SGMS1: variants seen among roughly 807,000 people sequenced by gnomAD.
SGMS1 encodes the protein phosphatidylcholine:ceramide cholinephosphotransferase 1.
Under a neutral mutation model 46.2 loss-of-function variants are expected in SGMS1, and 13 were observed. The observed-to-expected ratio is 0.28, with a 90% CI of 0.18 to 0.45. SGMS1 has a LOEUF of 0.45. Among genes scored for constraint, SGMS1 ranks in the 20% least tolerant of loss-of-function variants. The pLI, the probability that SGMS1 is intolerant of heterozygous loss-of-function variation, is 1.00. For synonymous variants in SGMS1, 203 were observed against 187.8 expected (o/e 1.08, Z -0.66); for missense variants, 324 against 519.9 (o/e 0.62, Z 3.66).
chr10:50,429,197 C>T (rs767207038), intron 6 of SGMS1, among the ~76,000 whole-genome samples: 1 of 152,176 alleles, frequency 6.6e-6, no homozygotes, highest in African/African-American at 2.4e-5. Context: ...TATAGTCATG[C>T]ACTGCATAAC....
chr10:50,557,549 A>G (rs913823020), intron 2 of SGMS1, among the ~76,000 whole-genome samples: 2 of 152,124 alleles, frequency 1.3e-5, no homozygotes, highest in Admixed American at 6.5e-5. Flanking sequence ...AATTACTAAA[A>G]TTTTTAACGA....
chr10:50,333,235 G>C (rs1483512502), intron 7 of SGMS1, among the ~76,000 whole-genome samples: 1 of 152,180 alleles, frequency 6.6e-6, no homozygotes, highest in Non-Finnish European at 1.5e-5. Flanking sequence ...GTCCCAGGGA[G>C]ACTTATGATG....
At chr10:50,487,117 T>C (rs1255827696) in intron 3 of SGMS1, among the ~76,000 whole-genome samples, 2 of 152,068 alleles carry the variant, frequency 1.3e-5, no homozygotes, top group Non-Finnish European at 2.9e-5. Flanking sequence ...TGAGAACATG[T>C]GGATGCATAG....
intron 2 of SGMS1, among the ~76,000 whole-genome samples, chr10:50,546,484 A>G (rs1185901583): frequency 6.6e-6 from 1 of 152,202 alleles, no homozygotes; most frequent in Non-Finnish European, 1.5e-5. Flanking sequence ...AATGTCCAAC[A>G]ATGATAGACT....
Position 50,623,513 on chromosome 10 carries a change from C to G in SGMS1, c.-684+194G>C, listed in dbSNP as rs1431410318. 3.2e-6 allele frequency: 3 copies of G among 931,528 alleles called. No homozygotes were observed. In the African/African-American group the frequency reaches 5.3e-5, roughly 17 times the overall value. The allele number at this position is 931,528 out of a possible 1,614,324, so 57.7% of individuals were successfully genotyped here. ...GGCCGCCGGACCTCCCCGCTGTGAC[C>G]ACCCACGGGAGCAGCAGCTCTGGAG... On this transcript the variant is annotated intron_variant, in intron 1 of 10. Coordinates refer to ENST00000361781, the MANE Select transcript of SGMS1 (RefSeq NM_147156.4).
chr10:50,610,709 G>A (rs1242420093), intron 1 of SGMS1, among the ~76,000 whole-genome samples: 1 of 152,178 alleles, frequency 6.6e-6, no homozygotes, highest in Non-Finnish European at 1.5e-5. Flanking sequence ...TTGTGAACAG[G>A]TGGCAGAGAC....
In SGMS1 at chr10:50,409,825, T is replaced by C. The variant is rs148233443; in HGVS notation, c.-232+23651A>G. Among the ~76,000 whole-genome samples the C allele has an allele frequency of 2.3e-4, 35 of 152,250 alleles. 1 individual carries two copies. In the East Asian group the frequency reaches 6.8e-3, roughly 29 times the overall value. On this transcript the variant is annotated intron_variant, in intron 6 of 10. Coordinates refer to ENST00000361781, the MANE Select transcript of SGMS1 (RefSeq NM_147156.4). ...AATATAAGAATATAAAAAGGACAAT[T>C]ATATAGGAAAGTACCACAGGCTCTG...
chr10:50,451,026 T>C (rs1837102626), intron 5 of SGMS1, among the ~76,000 whole-genome samples: 1 of 152,106 alleles, frequency 6.6e-6, no homozygotes, highest in African/African-American at 2.4e-5. Context: ...TGAAAATATT[T>C]ATAACATGAG....
At chr10:50,572,584 T>C (rs935030471) in intron 2 of SGMS1, among the ~76,000 whole-genome samples, 3 of 152,132 alleles carry the variant, frequency 2.0e-5, no homozygotes, top group Non-Finnish European at 4.4e-5. Flanking sequence ...TACACAATCA[T>C]CTGTTTTGTA....
intron 6 of SGMS1, among the ~76,000 whole-genome samples, chr10:50,349,249 A>C (rs539947779): frequency 3.2e-4 from 49 of 152,372 alleles, no homozygotes; most frequent in African/African-American, 1.1e-3. Context: ...CAAGAAGTTT[A>C]GATTCTTCCT....
At chr10:50,357,245 A>G (rs1009257190) in intron 6 of SGMS1, among the ~76,000 whole-genome samples, 1 of 152,190 alleles carries the variant, frequency 6.6e-6, no homozygotes, top group Non-Finnish European at 1.5e-5. Flanking sequence ...ATGACATGGT[A>G]AAAACGATGT....
intron 6 of SGMS1, among the ~76,000 whole-genome samples, chr10:50,406,407 C>A (rs188061941): frequency 2.0e-5 from 3 of 152,186 alleles, no homozygotes; most frequent in Admixed American, 6.5e-5. Flanking sequence ...AATAGCTTTC[C>A]CTGGGACCAT....
chr10:50,442,901 G>A (rs1005760265), intron 5 of SGMS1, among the ~76,000 whole-genome samples: 4 of 152,138 alleles, frequency 2.6e-5, no homozygotes, highest in Non-Finnish European at 5.9e-5. Context: ...TGCTTTTGAT[G>A]AGACTACTTT....
intron 6 of SGMS1, among the ~76,000 whole-genome samples, chr10:50,422,522 A>G (rs1849270627): frequency 6.6e-6 from 1 of 152,210 alleles, no homozygotes; most frequent in Non-Finnish European, 1.5e-5. Context: ...TTTCATGTAA[A>G]ATCCCAGTTC....
chr10:50,510,866 C>A (rs1409876326), intron 3 of SGMS1, among the ~76,000 whole-genome samples: 2 of 152,014 alleles, frequency 1.3e-5, no homozygotes, highest in Non-Finnish European at 2.9e-5. Flanking sequence ...TTCTATAAAA[C>A]TTTATCTCAT....
chr10:50,594,263 C>G (rs1838569504), intron 1 of SGMS1, among the ~76,000 whole-genome samples: 2 of 152,166 alleles, frequency 1.3e-5, no homozygotes, highest in Admixed American at 1.3e-4. Context: ...ATGATGCAAA[C>G]CCAGCCAACA....
At chr10:50,343,397 CCAA>C (rs1847852470) in intron 7 of SGMS1, 92 bp downstream of exon 7, 2 of 1,348,464 alleles carry the variant, frequency 1.5e-6, no homozygotes, top group Non-Finnish European at 2.0e-6. Context: ...TGTTTTGATC[CCAA>C]CAAGTTGATA....
intron 5 of SGMS1, among the ~76,000 whole-genome samples, chr10:50,441,717 C>T (rs371199087): frequency 5.9e-5 from 9 of 152,214 alleles, no homozygotes; most frequent in Admixed American, 3.9e-4. Context: ...ATAAATAAAA[C>T]GCACACAGAT....
At chr10:50,620,608 G>A (rs960721073) in intron 1 of SGMS1, among the ~76,000 whole-genome samples, 7 of 152,214 alleles carry the variant, frequency 4.6e-5, no homozygotes, top group Non-Finnish European at 7.3e-5. Context: ...TGCCAAGAAA[G>A]TACATCTTTA....
Sources: gnomAD v4.1 joint callset for allele counts (sites outside exome capture counted in the v4.1 genomes callset) on GRCh38, gnomAD v4.1.1 for gene constraint, MANE v1.5 for transcripts, NCBI Gene and HGNC (gene_info 2026-07-23, HGNC 2026-07-21) for gene names.